ZNF66: variants seen among roughly 807,000 people sequenced by gnomAD.
ZNF66 encodes zinc finger protein 66, also known as putative zinc finger protein 66.
Under a neutral mutation model 35.2 loss-of-function variants are expected in ZNF66, and 32 were observed. The observed-to-expected ratio is 0.91, with a 90% CI of 0.69 to 1.22. The LOEUF is 1.22. ZNF66 is among the 50% of genes most tolerant of loss of function. The pLI, the probability that ZNF66 is intolerant of heterozygous loss-of-function variation, is 0.00. For synonymous variants in ZNF66, 231 were observed against 181.3 expected, an observed-to-expected ratio of 1.27 and a Z score of -2.20; for missense variants, 666 against 543.1, an observed-to-expected ratio of 1.23 and a Z score of -2.25.
intron 3 of ZNF66, among the ~76,000 whole-genome samples, chr19:20,804,586 G>T (rs1971481786): frequency 6.6e-6 from 1 of 152,078 alleles, no homozygotes; most frequent in Admixed American, 6.6e-5. Context: ...CTGTTGTCCA[G>T]GCTGTAGTGC....
At position 20,776,434 on chromosome 19, in the gene ZNF66, CT is replaced by C. The variant is rs1971194893; in HGVS notation, c.-13del. ...TCCACAGCTAAGACGCCAGGACCCC[CT>C]GGAAGCCTAGAAATGGTGAGAGTGC... On this transcript the variant is annotated 5_prime_UTR_variant, in exon 1 of 4. Coordinates refer to ENST00000344519, the MANE Select transcript of ZNF66 (RefSeq NM_001355197.2). 6.4e-7 allele frequency: 1 copy of C among 1,559,674 alleles called. No individual in the cohort carries two copies. The highest frequency in any genetic ancestry group is 1.4e-5 in the African/African-American group (1 of 73,794).
rs540316459 is a variant in ZNF66, at chr19:20,806,762, A to G, written c.1162A>G (p.Lys388Glu). ...GTACTCCTGTTCCCTTACTGCACAT[A>G]AGATAATTCATACTGGAAAGAAACC... is the stretch of plus-strand genomic sequence containing the variant. Reference protein sequence around the residue: ...FKYSCSLTAHKIIHTGKKPYK... With the variant: ...FKYSCSLTAHEIIHTGKKPYK... The change falls in exon 4 of 4, where the codon AAG (lysine) becomes GAG (glutamate). Residue 388 changes from lysine (K) to glutamate (E), a missense_variant. Physicochemically the swap from Lys to Glu is moderately conservative, Grantham distance 56 (BLOSUM62 1). Coordinates refer to ENST00000344519, the MANE Select transcript of ZNF66 (RefSeq NM_001355197.2). 16 of 1,332,302 alleles carry G rather than the reference A, an allele frequency of 1.2e-5. No homozygotes were observed. Among genetic ancestry groups the G allele is most frequent in the Non-Finnish European group, 1.7e-5 (16 of 926,630 alleles). 82.5% of individuals were successfully genotyped at this position (1,332,302 alleles called of 1,614,324 possible).
intron 1 of ZNF66, among the ~76,000 whole-genome samples, chr19:20,777,144 G>A (rs1971202921): frequency 6.6e-6 from 1 of 150,776 alleles, no homozygotes; most frequent in South Asian, 2.1e-4. Context: ...AAAAATTATG[G>A]GAGTCACTGC....
At chr19:20,780,217 G>A (rs1971233702) in intron 1 of ZNF66, among the ~76,000 whole-genome samples, 1 of 152,180 alleles carries the variant, frequency 6.6e-6, no homozygotes, top group African/African-American at 2.4e-5. Context: ...CACTATCTTA[G>A]TCATAATGGG....
rs186460086 is a variant in ZNF66, at chr19:20,782,806, C to A, written c.3+6356C>A. Among the ~76,000 whole-genome samples, 19 of 148,586 alleles carry A rather than the reference C, an allele frequency of 1.3e-4. No individual in the cohort carries two copies. The East Asian group carries it at 1.4e-3, about 11-fold the overall frequency. ...GGCAAAGTTTGCAAATATTTTCTTT[C>A]ATTCTGTAGGTTGTCTTTTTCCTCT... is the stretch of plus-strand genomic sequence containing the variant. On this transcript the variant is annotated intron_variant, in intron 1 of 3. Coordinates refer to ENST00000344519, the MANE Select transcript of ZNF66 (RefSeq NM_001355197.2).
chr19:20,781,909 G>A (rs1422327741), intron 1 of ZNF66, among the ~76,000 whole-genome samples: 1 of 151,854 alleles, frequency 6.6e-6, no homozygotes, highest in African/African-American at 2.4e-5. Flanking sequence ...TGATGTTTAC[G>A]TACCATATTT....
At chr19:20,782,812 G>A (rs1417120256) in intron 1 of ZNF66, among the ~76,000 whole-genome samples, 1 of 146,760 alleles carries the variant, frequency 6.8e-6, no homozygotes, top group Non-Finnish European at 1.5e-5. Context: ...CTTTCATTCT[G>A]TAGGTTGTCT....
At chr19:20,802,798 T>TA (rs1971462002) in intron 3 of ZNF66, among the ~76,000 whole-genome samples, 1 of 152,242 alleles carries the variant, frequency 6.6e-6, no homozygotes, top group East Asian at 1.9e-4. Context: ...CTACTATAAT[T>TA]ATATTGCTCT....
chr19:20,782,848 G>A (rs1465755602), intron 1 of ZNF66, among the ~76,000 whole-genome samples: 1 of 151,942 alleles, frequency 6.6e-6, no homozygotes, highest in African/African-American at 2.4e-5. Flanking sequence ...AGTTTCCTTT[G>A]CTGTGAAGAA....
At chr19:20,788,843 G>A (rs941542950) in intron 1 of ZNF66, among the ~76,000 whole-genome samples, 18 of 151,924 alleles carry the variant, frequency 1.2e-4, no homozygotes, top group Non-Finnish European at 1.9e-4. Flanking sequence ...ACAAGGTCAG[G>A]AGTTTGAGAC....
At chr19:20,792,877 G>A (rs1036856652) in intron 2 of ZNF66, among the ~76,000 whole-genome samples, 1 of 151,890 alleles carries the variant, frequency 6.6e-6, no homozygotes, top group Non-Finnish European at 1.5e-5. Flanking sequence ...AGACCAGCTG[G>A]CCAAAATGCT....
At position 20,792,600 on chromosome 19, in the gene ZNF66, A is replaced by T; in HGVS notation, c.92A>T (p.Asp31Val). ...ATGGCACAGCGGAATTTATATAGGGATGTGATGTTAGAGAACTACAGAAAC... is the reference window on the plus strand; with the variant it reads ...ATGGCACAGCGGAATTTATATAGGGTTGTGATGTTAGAGAACTACAGAAAC... ...LDMAQRNLYR[D>V]VMLENYRNLV... The change falls in exon 2 of 4, where the codon GAT (aspartate) becomes GTT (valine). Residue 31 changes from aspartate to valine, a missense_variant. Transcript: ENST00000344519. 1 of 1,488,468 alleles carries T rather than the reference A, an allele frequency of 6.7e-7. No homozygotes were observed. The highest frequency in any genetic ancestry group is 9.3e-7 in the Non-Finnish European group (1 of 1,071,158). 92.2% of individuals were successfully genotyped at this position (1,488,468 alleles called of 1,614,324 possible). A position where few individuals can be genotyped will look rare whatever the true frequency, so the allele number is the denominator to read the frequency against.
intron 1 of ZNF66, among the ~76,000 whole-genome samples, chr19:20,785,854 C>T (rs568523825): frequency 8.5e-4 from 129 of 152,028 alleles, no homozygotes; most frequent in Non-Finnish European, 1.4e-3. Context: ...CTACAGCTCC[C>T]GGGTTCAAGT....
At chr19:20,802,418 C>CA (rs1420671800) in intron 3 of ZNF66, among the ~76,000 whole-genome samples, 3 of 152,148 alleles carry the variant, frequency 2.0e-5, no homozygotes, top group Admixed American at 6.5e-5. Flanking sequence ...AGGTGTGAGT[C>CA]ACTGCACACA....
intron 1 of ZNF66, chr19:20,784,996 G>A (rs963646674): frequency 6.6e-6 from 1 of 152,442 alleles, no homozygotes; most frequent in African/African-American, 2.4e-5. Context: ...AACTTCTGAT[G>A]TTATCTCTAT....
Position 20,807,416 on chromosome 19 carries a change from A to T in ZNF66, c.*94A>T. ...GTGGGAAAGACTTTAACCAGCTATCAACTTTTACTAAATATGAGAATTTAT... is the reference window on the plus strand; with the variant it reads ...GTGGGAAAGACTTTAACCAGCTATCTACTTTTACTAAATATGAGAATTTAT... On this transcript the variant is annotated 3_prime_UTR_variant, in exon 4 of 4. Coordinates refer to ENST00000344519, the MANE Select transcript of ZNF66 (RefSeq NM_001355197.2). 1.8e-6 allele frequency: 1 copy of T among 556,504 alleles called. No individual in the cohort carries two copies. The highest frequency in any genetic ancestry group is 3.2e-6 in the Non-Finnish European group (1 of 313,166). 34.5% of individuals were successfully genotyped at this position (556,504 alleles called of 1,614,324 possible). A position where few individuals can be genotyped will look rare whatever the true frequency, so the allele number is the denominator to read the frequency against.
intron 1 of ZNF66, among the ~76,000 whole-genome samples, chr19:20,785,348 A>C (rs539271415): frequency 6.6e-6 from 1 of 152,220 alleles, no homozygotes; most frequent in Non-Finnish European, 1.5e-5. Context: ...GTAAATAGCC[A>C]AAGAGAGAAT....
In ZNF66 at chr19:20,807,404, T is replaced by C. The variant is rs1971532733; in HGVS notation, c.*82T>C. 1.8e-6 allele frequency: 1 copy of C among 559,508 alleles called. No homozygotes were observed. Among genetic ancestry groups the C allele is most frequent in the East Asian group, 2.9e-5 (1 of 35,020 alleles). 34.7% of individuals were successfully genotyped at this position (559,508 alleles called of 1,614,324 possible). A position where few individuals can be genotyped will look rare whatever the true frequency, so the allele number is the denominator to read the frequency against. ...AGTTTGATGAATGTGGGAAAGACTT[T>C]AACCAGCTATCAACTTTTACTAAAT... On this transcript the variant is annotated 3_prime_UTR_variant, in exon 4 of 4. Transcript: ENST00000344519.
rs760462453 is a variant in ZNF66 at position 20,806,152 on chromosome 19, GT to G, written c.553del (p.Ser185ProfsTer20). On this transcript the variant is annotated frameshift_variant, in exon 4 of 4. Transcript: ENST00000344519. LOFTEE classifies it high-confidence loss of function. The stretch of plus-strand genomic sequence containing the variant: ...CAGAATGTGGCAAAGCTTTTAACCG[GT>G]CCTCAACCTTTACTACACATAAGAA... ...FTECGKAFNR[S>X]STFTTHKKIH... The G allele has an allele frequency of 4.2e-6, 5 of 1,180,986 alleles. No individual in the cohort carries two copies. Among genetic ancestry groups the G allele is most frequent in the Non-Finnish European group, 6.3e-6 (5 of 788,096 alleles). The allele number at this position is 1,180,986 out of a possible 1,614,324, so 73.2% of individuals were successfully genotyped here. A position where few individuals can be genotyped will look rare whatever the true frequency, so the allele number is the denominator to read the frequency against.
Sources: gnomAD v4.1 joint callset for allele counts (sites outside exome capture counted in the v4.1 genomes callset) on GRCh38, gnomAD v4.1.1 for gene constraint, MANE v1.5 for transcripts, NCBI Gene and HGNC (gene_info 2026-07-23, HGNC 2026-07-21) for gene names.